MORC2: variants seen among roughly 807,000 people sequenced by gnomAD.
The protein encoded by MORC2 is MORC family CW-type zinc finger 2.
Under a neutral mutation model 136.0 loss-of-function variants are expected in MORC2, and 30 were observed. The observed-to-expected ratio is 0.22, with a 90% CI of 0.17 to 0.30. MORC2 has a LOEUF of 0.30. Among genes scored for constraint, MORC2 ranks in the 10% least tolerant of loss-of-function variants. The pLI, the probability that MORC2 is intolerant of heterozygous loss-of-function variation, is 1.00. For synonymous variants in MORC2, 439 were observed against 487.0 expected (o/e 0.90, Z 1.30); for missense variants, 922 against 1,333.1 (o/e 0.69, Z 4.80).
At position 30,936,556 on chromosome 22, in the gene MORC2, C is replaced by G. The variant is rs772625385; in HGVS notation, c.1692G>C (p.Leu564=). Residue 564 remains leucine (L), a synonymous_variant, in exon 17 of 26, where the codon CTG becomes CTC. Transcript: ENST00000397641. Reference sequence around the variant, plus strand: ...CCTGCTGCTGGCGAATTTTCTCTGTCAGTTGTTTCTGCTTCTCTTCCTGCG... The same window carrying G: ...CCTGCTGCTGGCGAATTTTCTCTGTGAGTTGTTTCTGCTTCTCTTCCTGCG... The part of the protein sequence containing the change: ...MKTQEEKQKQ[L]TEKIRQQQEK... 4 of 1,614,066 alleles carry G rather than the reference C, an allele frequency of 2.5e-6. No homozygotes were observed. In the Admixed American group the frequency reaches 6.7e-5, roughly 27 times the overall value.
chr22:30,963,272 G>A (rs1189141100), intron 1 of MORC2: 195 of 977,018 alleles, frequency 2.0e-4, no homozygotes, highest in Non-Finnish European at 2.3e-4. Context: ...CACAGCACCC[G>A]GCCTAGAAAT....
intron 21 of MORC2, 78 bp from the exon 22 acceptor site, chr22:30,933,108 C>G: frequency 2.5e-6 from 4 of 1,582,162 alleles, no homozygotes; most frequent in Non-Finnish European, 3.4e-6. Flanking sequence ...TCGAGAAAGG[C>G]AGTCCCCAGG....
rs531539488 is a variant in MORC2, at chr22:30,940,311, A to G, written c.905-270T>C. ...ACAGGTTTAAAAAAAAAAAAAAAAC[A>G]CCTAAGGCAACCAGTTGAACACTCA... On this transcript the variant is annotated intron_variant, in intron 10 of 25. Transcript: ENST00000397641. Among the ~76,000 whole-genome samples, 4 of 151,224 alleles carry G rather than the reference A, an allele frequency of 2.6e-5. No homozygotes were observed. The South Asian group carries it at 8.4e-4, about 32-fold the overall frequency.
intron 24 of MORC2, 34 bp from the exon 25 acceptor site, chr22:30,928,241 A>G (rs777004778): frequency 1.8e-5 from 29 of 1,612,462 alleles, no homozygotes; most frequent in Middle Eastern, 1.6e-4. Flanking sequence ...AGAGTGTGTA[A>G]GTTCACAGGG....
chr22:30,932,213 G>T lies in MORC2; in HGVS notation c.2841+146C>A. 1.3e-6 allele frequency: 1 copy of T among 769,972 alleles called. No individual in the cohort carries two copies. The highest frequency in any genetic ancestry group is 2.1e-6 in the Non-Finnish European group (1 of 470,734). The allele number at this position is 769,972 out of a possible 1,614,324, so 47.7% of individuals were successfully genotyped here. ...CATAAACTCTCCTCTTCTTTCAGCA[G>T]GAGAGAGGCTGGCTGAGATGGAGCA... On this transcript the variant is annotated intron_variant, in intron 24 of 25. Coordinates refer to ENST00000397641, the MANE Select transcript of MORC2 (RefSeq NM_001303256.3). This position sits in a 1 kb window ranked among gnomAD's most constrained non-coding sequence, Gnocchi z 4.4.
At position 30,932,872 on chromosome 22, in the gene MORC2, C is replaced by G. The variant is rs199686987; in HGVS notation, c.2522+17G>C. 1.9e-5 allele frequency: 30 copies of G among 1,614,010 alleles called. No homozygotes were observed. The highest frequency in any genetic ancestry group is 6.7e-5 in the Admixed American group (4 of 60,004). On this transcript the variant is annotated intron_variant, in intron 22 of 25. Transcript: ENST00000397641. This position sits in a 1 kb window ranked among gnomAD's most constrained non-coding sequence, Gnocchi z 4.4. Reference sequence around the variant, plus strand: ...CTCCTTCGAGGAACCACTGCTCCTCCCTGATTGGGGCATTACCAGCGGTCT... The same window carrying G: ...CTCCTTCGAGGAACCACTGCTCCTCGCTGATTGGGGCATTACCAGCGGTCT...
chr22:30,933,430 C>T, intron 21 of MORC2, 36 bp downstream of exon 21: 1 of 1,610,202 alleles, frequency 6.2e-7, no homozygotes, highest in Non-Finnish European at 8.5e-7. Context: ...CACTCCCACC[C>T]CCGCCACAGG....
rs770785423 is a variant in MORC2 at position 30,927,973 on chromosome 22, G to A, written c.3030+46C>T. ...GAACAGGGCCCAGGCCCCCCTCCCT[G>A]AGAGACCAGGTGGTCCAGCTGCAAC... On this transcript the variant is annotated intron_variant, in intron 25 of 25. Transcript: ENST00000397641. The A allele has an allele frequency of 3.1e-6, 5 of 1,606,718 alleles. No individual in the cohort carries two copies. In the South Asian group the frequency reaches 4.4e-5, roughly 14 times the overall value.
chr22:30,934,099 G>A lies in MORC2; in HGVS notation c.2286C>T (p.Gly762=). 1.2e-6 allele frequency: 2 copies of A among 1,614,070 alleles called. No individual in the cohort carries two copies. The highest frequency in any genetic ancestry group is 8.5e-7 in the Non-Finnish European group (1 of 1,180,014). Residue 762 remains glycine, a synonymous_variant, in exon 20 of 26, where the codon GGC becomes GGT. Transcript: ENST00000397641. The surrounding 1 kb of genome is among the most constrained non-coding windows in gnomAD (Gnocchi z 4.4). The stretch of plus-strand genomic sequence containing the variant: ...TCTTTTCCTCCTTCACAACAAATCT[G>A]CCCCGCTTGCACCTCTCCTTCCTCC... ...AERRKERCKR[G]RFVVKEEKKD...
intron 6 of MORC2, among the ~76,000 whole-genome samples, chr22:30,945,420 G>C (rs1248208391): frequency 1.3e-5 from 2 of 152,204 alleles, no homozygotes; most frequent in East Asian, 3.8e-4. Flanking sequence ...AATCAACACA[G>C]ATGAATTAAA....
rs958295807 is a variant in MORC2 at position 30,937,841 on chromosome 22, G to A, written c.1343C>T (p.Ala448Val). 2.5e-6 allele frequency: 4 copies of A among 1,614,100 alleles called. No individual in the cohort carries two copies. The highest frequency in any genetic ancestry group is 2.7e-5 in the African/African-American group (2 of 75,000). The change falls in exon 14 of 26, where the codon GCG becomes GTG. Residue 448 changes from alanine (A) to valine (V), a missense_variant. Ala to Val is a moderately conservative substitution (Grantham distance 64). Around this residue, in one of 9 missense-constraint regions of MORC2, gnomAD observed 119 missense variants for 202.7 expected, o/e 0.59. Coordinates refer to ENST00000397641, the MANE Select transcript of MORC2 (RefSeq NM_001303256.3). This position sits in a 1 kb window ranked among gnomAD's most constrained non-coding sequence, Gnocchi z 4.7. ...HLLRAMGEHL[A>V]QYWKDIAIAQ... ...GATGGCAATATCCTTCCAATACTGCGCCAGGTGCTCCCCCATTGCTCGGAG... is the reference window on the plus strand; with the variant it reads ...GATGGCAATATCCTTCCAATACTGCACCAGGTGCTCCCCCATTGCTCGGAG...
In MORC2 at chr22:30,934,322, G is replaced by T; in HGVS notation, c.2194-131C>A. On this transcript the variant is annotated intron_variant, in intron 19 of 25. Transcript: ENST00000397641. The surrounding 1 kb of genome is among the most constrained non-coding windows in gnomAD (Gnocchi z 4.4). ...CTGCAATCCCTGCCTGACATTACTT[G>T]GAATGTACACAGGCAACCCACTGGC... 7.4e-7 allele frequency: 1 copy of T among 1,344,662 alleles called. No individual in the cohort carries two copies. Among genetic ancestry groups the T allele is most frequent in the Non-Finnish European group, 1.0e-6 (1 of 992,464 alleles). 83.3% of individuals were successfully genotyped at this position (1,344,662 alleles called of 1,614,324 possible). A position where few individuals can be genotyped will look rare whatever the true frequency, so the allele number is the denominator to read the frequency against.
At position 30,942,176 on chromosome 22, in the gene MORC2, C is replaced by T. The variant is rs779685773; in HGVS notation, c.522G>A (p.Lys174=). The T allele has an allele frequency of 3.0e-5, 49 of 1,614,052 alleles. No homozygotes were observed. Among genetic ancestry groups the T allele is most frequent in the Non-Finnish European group, 3.7e-5 (44 of 1,180,012 alleles). The stretch of plus-strand genomic sequence containing the variant: ...CCTCCTCAGTGCGGAATGGAGAGTA[C>T]TTATAGATGAGTTCTGTCTCAATGG... ...KFAIETELIY[K]YSPFRTEEEV... Residue 174 remains lysine (K), a synonymous_variant, in exon 7 of 26, where the codon AAG becomes AAA. Coordinates refer to ENST00000397641, the MANE Select transcript of MORC2 (RefSeq NM_001303256.3).
chr22:30,939,948 C>T lies in MORC2; in HGVS notation c.987+11G>A, dbSNP rs772070234. ...AACGCTGGAGAACAGCCGCCTGGGCCGGGACCTTACCCTGGAGTCCCGCGT... is the reference window on the plus strand; with the variant it reads ...AACGCTGGAGAACAGCCGCCTGGGCTGGGACCTTACCCTGGAGTCCCGCGT... On this transcript the variant is annotated intron_variant, in intron 11 of 25. Transcript: ENST00000397641. 7.4e-6 allele frequency: 12 copies of T among 1,612,852 alleles called. No homozygotes were observed. Among genetic ancestry groups the T allele is most frequent in the African/African-American group, 5.3e-5 (4 of 74,904 alleles).
chr22:30,962,688 G>C (rs2041067170), intron 1 of MORC2, among the ~76,000 whole-genome samples: 1 of 151,836 alleles, frequency 6.6e-6, no homozygotes, highest in South Asian at 2.1e-4. Flanking sequence ...GCTAACAGTA[G>C]CCTTTACAAT....
At chr22:30,930,776 T>C (rs1007466741) in intron 24 of MORC2, among the ~76,000 whole-genome samples, 2 of 152,100 alleles carry the variant, frequency 1.3e-5, no homozygotes, top group African/African-American at 4.8e-5. Flanking sequence ...AATAGAAAAA[T>C]CATCCCACTT....
At chr22:30,927,966 C>G (rs1401060979) in intron 25 of MORC2, 53 bp downstream of exon 25, 28 of 1,598,578 alleles carry the variant, frequency 1.8e-5, no homozygotes, top group Admixed American at 5.0e-5. Flanking sequence ...CCCAGGCCCC[C>G]CTCCCTGAGA....
intron 11 of MORC2, 63 bp from the exon 12 acceptor site, chr22:30,939,769 A>C: frequency 6.7e-7 from 1 of 1,501,710 alleles, no homozygotes; most frequent in Admixed American, 1.8e-5. Flanking sequence ...GAATATTGAA[A>C]CATTACATCT....
chr22:30,932,730 G>A lies in MORC2; in HGVS notation c.2562C>T (p.Pro854=), dbSNP rs1569188641. 6.2e-7 allele frequency: 1 copy of A among 1,614,176 alleles called. No homozygotes were observed. Among genetic ancestry groups the A allele is most frequent in the Non-Finnish European group, 8.5e-7 (1 of 1,180,032 alleles). Residue 854 remains proline, a synonymous_variant, in exon 23 of 26, where the codon CCC becomes CCT. Coordinates refer to ENST00000397641, the MANE Select transcript of MORC2 (RefSeq NM_001303256.3). The surrounding 1 kb of genome is among the most constrained non-coding windows in gnomAD (Gnocchi z 4.4). ...KGSEDVRLMK[P]PSPEHQSLDT... ...CAAGGCTCTGATGTTCCGGAGAAGG[G>A]GGTTTCATCAGCCGCACATCCTCAC... is the stretch of plus-strand genomic sequence containing the variant.
Sources: gnomAD v4.1 joint callset for allele counts (sites outside exome capture counted in the v4.1 genomes callset) on GRCh38, gnomAD v4.1.1 for gene constraint, gnomAD v4.1.1 regional missense constraint, Gnocchi (gnomAD v3.1) non-coding constraint, MANE v1.5 for transcripts, NCBI Gene and HGNC (gene_info 2026-07-23, HGNC 2026-07-21) for gene names.